Variants in PCDH15 observed in about 807,000 individuals in gnomAD.
PCDH15 encodes the protein protocadherin related 15, also known as protocadherin-15.
Under a neutral mutation model 178.5 loss-of-function variants are expected in PCDH15, and 129 were observed. That is an observed-to-expected ratio of 0.72 (90% CI 0.63 to 0.84). The LOEUF (loss-of-function observed/expected upper bound fraction) is 0.84. Among genes scored for constraint, PCDH15 ranks in the 40% least tolerant of loss-of-function variants. The pLI is 0.00. For missense variants in PCDH15, 2,230 were observed against 2,099.9 expected, an observed-to-expected ratio of 1.06 and a Z score of -1.21; for synonymous variants, 800 against 732.0, an observed-to-expected ratio of 1.09 and a Z score of -1.50.
At chr10:55,443,547 T>C (rs959139008) in intron 2 of PCDH15, among the ~76,000 whole-genome samples, 1 of 152,288 alleles carries the variant, frequency 6.6e-6, no homozygotes, top group Non-Finnish European at 1.5e-5. Flanking sequence ...TCATCATCAC[T>C]GGTCATTAGA....
At chr10:55,390,241 C>T (rs914342101) in intron 2 of PCDH15, among the ~76,000 whole-genome samples, 5 of 152,008 alleles carry the variant, frequency 3.3e-5, no homozygotes, top group African/African-American at 4.8e-5. Flanking sequence ...TTAAAAAATA[C>T]ATCTTTGCAA....
At chr10:55,097,932 T>C (rs1028278829) in intron 2 of PCDH15, among the ~76,000 whole-genome samples, 1 of 152,064 alleles carries the variant, frequency 6.6e-6, no homozygotes, top group Non-Finnish European at 1.5e-5. Context: ...TAAATATGAT[T>C]TCAGCACTCA....
chr10:54,782,109 C>A (rs972641661), intron 1 of PCDH15, among the ~76,000 whole-genome samples: 1 of 152,030 alleles, frequency 6.6e-6, no homozygotes, highest in East Asian at 1.9e-4. Context: ...TCAAAGTATT[C>A]CATGCAGAAC....
chr10:54,442,911 A>G (rs1319327259), intron 3 of PCDH15, among the ~76,000 whole-genome samples: 1 of 151,542 alleles, frequency 6.6e-6, no homozygotes, highest in Non-Finnish European at 1.5e-5. Flanking sequence ...GTTTCCTGTT[A>G]TCCACTCGTC....
At chr10:55,305,989 A>G (rs1261446824) in intron 1 of PCDH15, among the ~76,000 whole-genome samples, 1 of 152,230 alleles carries the variant, frequency 6.6e-6, no homozygotes, top group Non-Finnish European at 1.5e-5. Context: ...TTTATTTTTT[A>G]CATTTAAAAA....
At chr10:55,486,701 C>A (rs1840305456) in intron 2 of PCDH15, among the ~76,000 whole-genome samples, 1 of 151,410 alleles carries the variant, frequency 6.6e-6, no homozygotes, top group South Asian at 2.1e-4. Flanking sequence ...AGATTGGAGT[C>A]TTTCTATGTT....
intron 2 of PCDH15, among the ~76,000 whole-genome samples, chr10:54,997,409 T>C (rs960831914): frequency 6.6e-6 from 1 of 152,192 alleles, no homozygotes; most frequent in Non-Finnish European, 1.5e-5. Context: ...CTTAAGTAAA[T>C]CTTAAATAAA....
At chr10:55,534,563 GAA>G (rs1841529371) in intron 2 of PCDH15, among the ~76,000 whole-genome samples, 1 of 151,986 alleles carries the variant, frequency 6.6e-6, no homozygotes, top group Admixed American at 6.6e-5. Context: ...AAAAAGTTAA[GAA>G]GAAACAGATC....
intron 1 of PCDH15, among the ~76,000 whole-genome samples, chr10:55,221,122 G>C (rs1196706319): frequency 6.6e-6 from 1 of 151,958 alleles, no homozygotes; most frequent in Non-Finnish European, 1.5e-5. Flanking sequence ...TAAAAATGTG[G>C]AGTGAAAGAA....
chr10:55,337,000 A>G (rs369674084), intron 2 of PCDH15, among the ~76,000 whole-genome samples: 23 of 151,988 alleles, frequency 1.5e-4, no homozygotes, highest in Non-Finnish European at 2.8e-4. Context: ...CCTGACCCCA[A>G]CTCCCTCAAT....
At chr10:54,883,929 C>CCACCA (rs1239132884) in intron 3 of PCDH15, among the ~76,000 whole-genome samples, 1 of 151,700 alleles carries the variant, frequency 6.6e-6, no homozygotes, top group Non-Finnish European at 1.5e-5. Flanking sequence ...AGTTGTAGTC[C>CCACCA]TTATTGGTGG....
intron 2 of PCDH15, among the ~76,000 whole-genome samples, chr10:55,461,861 T>C (rs1465495972): frequency 6.6e-6 from 1 of 152,106 alleles, no homozygotes; most frequent in African/African-American, 2.4e-5. Flanking sequence ...ATCAAAATTA[T>C]ATTGTGATTA....
intron 2 of PCDH15, among the ~76,000 whole-genome samples, chr10:55,438,812 G>A (rs571601465): frequency 1.6e-4 from 24 of 151,750 alleles, no homozygotes; most frequent in African/African-American, 5.6e-4. Context: ...CTGAAATGGG[G>A]TCAGGGACTT....
intron 1 of PCDH15, among the ~76,000 whole-genome samples, chr10:55,300,331 G>T (rs2132277189): frequency 6.6e-6 from 1 of 152,226 alleles, no homozygotes; most frequent in African/African-American, 2.4e-5. Flanking sequence ...GCCTTCAACA[G>T]AGGTGATATG....
At chr10:55,071,820 A>C (rs1841754643) in intron 2 of PCDH15, among the ~76,000 whole-genome samples, 1 of 152,168 alleles carries the variant, frequency 6.6e-6, no homozygotes, top group Middle Eastern at 3.2e-3. Flanking sequence ...CACCACACCT[A>C]TTCCAAAATT....
chr10:54,692,801 T>G (rs2095149742), intron 1 of PCDH15, among the ~76,000 whole-genome samples: 1 of 150,766 alleles, frequency 6.6e-6, no homozygotes, highest in Non-Finnish European at 1.5e-5. Flanking sequence ...GTAGTAAAGA[T>G]TAAATGAGAA....
At chr10:55,494,965 C>T (rs568282846) in intron 2 of PCDH15, among the ~76,000 whole-genome samples, 2 of 151,554 alleles carry the variant, frequency 1.3e-5, no homozygotes, top group African/African-American at 2.4e-5. Flanking sequence ...TATAAATAAG[C>T]CTTAGTATTT....
At chr10:55,016,255 A>G (rs2131948803) in intron 2 of PCDH15, among the ~76,000 whole-genome samples, 1 of 152,252 alleles carries the variant, frequency 6.6e-6, no homozygotes, top group East Asian at 1.9e-4. Context: ...TGTGTTAAAA[A>G]CAATCCAATT....
At chr10:54,237,327 T>G (rs563684595) in intron 8 of PCDH15, among the ~76,000 whole-genome samples, 1 of 152,236 alleles carries the variant, frequency 6.6e-6, no homozygotes, top group African/African-American at 2.4e-5. Context: ...CTTTCCTTGC[T>G]AAATCATTTT....
Sources: allele counts gnomAD v4.1 joint callset (sites outside exome capture counted in the v4.1 genomes callset), GRCh38; gene constraint gnomAD v4.1.1; transcripts MANE v1.5; gene names NCBI Gene and HGNC (gene_info 2026-07-23, HGNC 2026-07-21).